The following PCDH9 variants were observed in gnomAD, a reference collection of about 807,000 sequenced individuals.
PCDH9 encodes the protein protocadherin 9.
PCDH9 carries 24 observed loss-of-function variants against 70.6 expected under a neutral mutation model. That is an observed-to-expected ratio of 0.34 (90% CI 0.25 to 0.48). The LOEUF is 0.48. Among genes scored for constraint, PCDH9 ranks in the 20% least tolerant of loss-of-function variants. PCDH9 has a pLI of 0.99. For synonymous variants in PCDH9, 562 were observed against 558.5 expected, an observed-to-expected ratio of 1.01 and a Z score of -0.09; for missense variants, 1,281 against 1,503.6, an observed-to-expected ratio of 0.85 and a Z score of 2.45.
chr13:66,981,205 C>T (rs7986875), intron 2 of PCDH9, among the ~76,000 whole-genome samples: 1 of 152,138 alleles, frequency 6.6e-6, no homozygotes, highest in Non-Finnish European at 1.5e-5. Flanking sequence ...TCGGGAGGCC[C>T]AGGCGGGCGG....
At chr13:67,220,821 A>C (rs1329403818) in intron 2 of PCDH9, 1 of 152,116 alleles carries the variant, frequency 6.6e-6, no homozygotes, top group Non-Finnish European at 1.5e-5. Flanking sequence ...ATTCTGCTTA[A>C]TGTTATTAGC....
At chr13:66,788,484 T>C (rs928826016) in intron 3 of PCDH9, among the ~76,000 whole-genome samples, 2 of 152,084 alleles carry the variant, frequency 1.3e-5, no homozygotes, top group African/African-American at 4.8e-5. Context: ...TTAAGTTGAA[T>C]AGTATTTGTA....
intron 2 of PCDH9, among the ~76,000 whole-genome samples, chr13:67,057,355 G>C (rs895058525): frequency 6.6e-6 from 1 of 151,922 alleles, no homozygotes. Flanking sequence ...ACACCAAAGA[G>C]AAGCATGACC....
At chr13:67,174,147 C>T (rs1051521183) in intron 2 of PCDH9, among the ~76,000 whole-genome samples, 11 of 151,960 alleles carry the variant, frequency 7.2e-5, no homozygotes, top group Non-Finnish European at 4.4e-5. Context: ...AATTAAAAAT[C>T]CCTCTTAAGT....
At chr13:66,677,531 A>T (rs994600295) in intron 3 of PCDH9, among the ~76,000 whole-genome samples, 1 of 152,058 alleles carries the variant, frequency 6.6e-6, no homozygotes, top group Non-Finnish European at 1.5e-5. Context: ...ATGGGAAAGG[A>T]TCCCTCATGG....
intron 3 of PCDH9, among the ~76,000 whole-genome samples, chr13:66,795,549 A>T (rs2080228201): frequency 6.6e-6 from 1 of 151,916 alleles, no homozygotes. Context: ...TTCTCTCTTT[A>T]TTGTTGATAT....
At chr13:66,525,142 T>A (rs1960156902) in intron 4 of PCDH9, among the ~76,000 whole-genome samples, 1 of 152,014 alleles carries the variant, frequency 6.6e-6, no homozygotes, top group African/African-American at 2.4e-5. Flanking sequence ...CCCTTGTCGC[T>A]CTCATTTCCC....
intron 4 of PCDH9, among the ~76,000 whole-genome samples, chr13:66,532,354 G>A (rs758054294): frequency 6.6e-6 from 1 of 151,776 alleles, no homozygotes; most frequent in Non-Finnish European, 1.5e-5. Context: ...GTTCCCCATG[G>A]GTGAGTCAGC....
intron 2 of PCDH9, among the ~76,000 whole-genome samples, chr13:67,185,138 A>G (rs1658063632): frequency 6.6e-6 from 1 of 152,224 alleles, no homozygotes; most frequent in African/African-American, 2.4e-5. Flanking sequence ...TTTGTAGTCC[A>G]TTAGAAAAGA....
intron 2 of PCDH9, among the ~76,000 whole-genome samples, chr13:66,967,202 A>G (rs2083445659): frequency 6.6e-6 from 1 of 152,042 alleles, no homozygotes; most frequent in Admixed American, 6.6e-5. Flanking sequence ...CTAAATCCTC[A>G]TAATGGTGAG....
At chr13:66,545,317 C>A (rs1961138416) in intron 4 of PCDH9, among the ~76,000 whole-genome samples, 2 of 152,018 alleles carry the variant, frequency 1.3e-5, no homozygotes, top group East Asian at 3.8e-4. Flanking sequence ...TACTGATAAA[C>A]CTATCTCTAG....
At chr13:66,954,914 C>G (rs1290768038) in intron 2 of PCDH9, among the ~76,000 whole-genome samples, 1 of 152,212 alleles carries the variant, frequency 6.6e-6, no homozygotes, top group Non-Finnish European at 1.5e-5. Context: ...CAGGCGCCTG[C>G]CTCCACGCCC....
chr13:66,535,918 C>A (rs1229048360), intron 4 of PCDH9, among the ~76,000 whole-genome samples: 2 of 151,868 alleles, frequency 1.3e-5, no homozygotes, highest in African/African-American at 4.8e-5. Flanking sequence ...ATGCTAGTTA[C>A]CAGAAGTAAG....
chr13:66,721,978 G>A (rs1004290112), intron 3 of PCDH9, among the ~76,000 whole-genome samples: 5 of 152,002 alleles, frequency 3.3e-5, no homozygotes, highest in African/African-American at 7.2e-5. Flanking sequence ...TTATGAACAC[G>A]GACCTCAAGG....
At chr13:66,728,203 A>G (rs1206148950) in intron 3 of PCDH9, among the ~76,000 whole-genome samples, 1 of 152,102 alleles carries the variant, frequency 6.6e-6, no homozygotes, top group Non-Finnish European at 1.5e-5. Context: ...ACTATTCACT[A>G]CTTCAGTTAT....
At chr13:67,067,409 TA>T (rs2085669233) in intron 2 of PCDH9, among the ~76,000 whole-genome samples, 3 of 152,134 alleles carry the variant, frequency 2.0e-5, no homozygotes, top group African/African-American at 7.2e-5. Context: ...ATGAATGAGA[TA>T]TTTCCATTTT....
intron 3 of PCDH9, among the ~76,000 whole-genome samples, chr13:66,888,329 T>G (rs1264474434): frequency 1.3e-5 from 2 of 151,660 alleles, no homozygotes; most frequent in East Asian, 3.9e-4. Context: ...GCTTCATCTC[T>G]GCAAAAAATT....
Position 67,227,262 on chromosome 13 carries a change from T to C in PCDH9, c.1179A>G (p.Thr393=), listed in dbSNP as rs368338654. ...AACAGATCACTTTGCCATTCACATC[T>C]GTGTCCTTATCTGAAACTGTAATTA... ...IALITVSDKD[T]DVNGKVICFI... The change falls in exon 2 of 5, where the codon ACA becomes ACG. Residue 393 remains threonine, a synonymous_variant. Coordinates refer to ENST00000377865, the MANE Select transcript of PCDH9 (RefSeq NM_203487.3). This position sits in a 1 kb window ranked among gnomAD's most constrained non-coding sequence, Gnocchi z 4.6. 2 of 1,613,252 alleles carry C rather than the reference T, an allele frequency of 1.2e-6. No individual in the cohort carries two copies. Among genetic ancestry groups the C allele is most frequent in the African/African-American group, 1.3e-5 (1 of 74,928 alleles).
chr13:67,038,202 T>C (rs1774555389), intron 2 of PCDH9, among the ~76,000 whole-genome samples: 1 of 152,176 alleles, frequency 6.6e-6, no homozygotes, highest in African/African-American at 2.4e-5. Context: ...ACAAATGCTT[T>C]AAAACAAGTT....
Sources: gnomAD v4.1 joint callset for allele counts (sites outside exome capture counted in the v4.1 genomes callset) on GRCh38, gnomAD v4.1.1 for gene constraint, Gnocchi (gnomAD v3.1) non-coding constraint, MANE v1.5 for transcripts, NCBI Gene and HGNC (gene_info 2026-07-23, HGNC 2026-07-21) for gene names.